Variants in DOT1L observed in about 807,000 individuals in gnomAD.
DOT1L encodes histone-lysine N-methyltransferase, H3 lysine-79 specific.
A neutral mutation model predicts 153.3 loss-of-function variants in DOT1L; 33 were observed. That is an observed-to-expected ratio of 0.22 (90% confidence interval 0.16 to 0.29). The LOEUF is 0.29. Among genes scored for constraint, DOT1L ranks in the 10% least tolerant of loss-of-function variants. DOT1L has a pLI of 1.00. For synonymous variants in DOT1L, 1,135 were observed against 965.1 expected, an observed-to-expected ratio of 1.18 and a Z score of -3.26; for missense variants, 1,847 against 2,119.9, an observed-to-expected ratio of 0.87 and a Z score of 2.53.
chr19:2,198,284 G>A (rs1294440102), intron 7 of DOT1L, among the ~76,000 whole-genome samples: 3 of 152,240 alleles, frequency 2.0e-5, no homozygotes, highest in African/African-American at 7.2e-5. Context: ...CAGGTGTGGA[G>A]AGGGAGGAGA....
intron 1 of DOT1L, among the ~76,000 whole-genome samples, chr19:2,180,466 C>A (rs946510785): frequency 2.6e-5 from 4 of 152,162 alleles, no homozygotes; most frequent in Non-Finnish European, 5.9e-5. Flanking sequence ...TCCCAGGCCG[C>A]TGCCTGCTCG....
At position 2,223,285 on chromosome 19, in the gene DOT1L, G is replaced by C. The variant is rs1207745383; in HGVS notation, c.3395G>C (p.Ser1132Thr). The change falls in exon 25 of 28, where the codon AGT (serine) becomes ACT (threonine). Residue 1132 changes from serine (S) to threonine (T), a missense_variant. Around this residue, in one of 8 missense-constraint regions of DOT1L, gnomAD observed 934 missense variants for 825.3 expected, o/e 1.13. Transcript: ENST00000398665. ...ATTGTGTCTGTCTGCCCTCAGGTCAGTAACATCAACCAGCCCCTGGAGATT... is the reference window on the plus strand; with the variant it reads ...ATTGTGTCTGTCTGCCCTCAGGTCACTAACATCAACCAGCCCCTGGAGATT... ...GSPLNLNSMV[S>T]NINQPLEITA... The C allele has an allele frequency of 5.6e-6, 9 of 1,613,390 alleles. No homozygotes were observed.
chr19:2,205,500 T>G (rs2023456987), intron 9 of DOT1L, among the ~76,000 whole-genome samples: 1 of 152,234 alleles, frequency 6.6e-6, no homozygotes, highest in African/African-American at 2.4e-5. Context: ...TTGGTCAGAC[T>G]GAGGCTGAAG....
chr19:2,220,503 G>C lies in DOT1L; in HGVS notation c.2806+281G>C, dbSNP rs958880270. 1.1e-5 allele frequency: 6 copies of C among 543,978 alleles called. No homozygotes were observed. In the African/African-American group the frequency reaches 1.1e-4, roughly 10 times the overall value. 33.7% of individuals were successfully genotyped at this position (543,978 alleles called of 1,614,324 possible). A position where few individuals can be genotyped will look rare whatever the true frequency, so the allele number is the denominator to read the frequency against. On this transcript the variant is annotated intron_variant, in intron 23 of 27. Transcript: ENST00000398665. This position sits in a 1 kb window ranked among gnomAD's most constrained non-coding sequence, Gnocchi z 4.5. ...TTCAGCCCGTGAGGTCGGCCCCAGT[G>C]CTCTCGGGGGCTCCTGTACTCACAG...
intron 9 of DOT1L, among the ~76,000 whole-genome samples, chr19:2,203,535 GT>G (rs2023377066): frequency 1.3e-5 from 2 of 152,220 alleles, no homozygotes; most frequent in African/African-American, 4.8e-5. Context: ...GCTCTCAGCT[GT>G]TTTGTTTTCT....
At chr19:2,209,022 T>A (rs781605947) in intron 12 of DOT1L, 46 bp downstream of exon 12, 2 of 1,594,374 alleles carry the variant, frequency 1.3e-6, no homozygotes, top group African/African-American at 2.7e-5. Context: ...ACGCATGCAC[T>A]GATGTGGGGA....
chr19:2,201,637 G>A lies in DOT1L; in HGVS notation c.708-1063G>A, dbSNP rs1016306778. Among the ~76,000 whole-genome samples, 3 of 152,244 alleles carry A rather than the reference G, an allele frequency of 2.0e-5. No individual in the cohort carries two copies. The South Asian group carries it at 6.2e-4, about 31-fold the overall frequency. ...TGGAGGGAATCGTGCTGACCCTGTGGTGTCCCCATCCCATGGGGTGGTGGT... is the reference window on the plus strand; with the variant it reads ...TGGAGGGAATCGTGCTGACCCTGTGATGTCCCCATCCCATGGGGTGGTGGT... On this transcript the variant is annotated intron_variant, in intron 8 of 27. Coordinates refer to ENST00000398665, the MANE Select transcript of DOT1L (RefSeq NM_032482.3).
At chr19:2,216,144 T>C in intron 19 of DOT1L, 137 bp from the exon 20 acceptor site, 2 of 1,306,944 alleles carry the variant, frequency 1.5e-6, no homozygotes, top group South Asian at 3.0e-5. Flanking sequence ...CTCTATGTGG[T>C]CGGCAGCTTT....
intron 9 of DOT1L, among the ~76,000 whole-genome samples, chr19:2,205,313 C>CA (rs1208785388): frequency 1.3e-5 from 2 of 152,122 alleles, no homozygotes; most frequent in East Asian, 3.8e-4. Context: ...TGTGTAAAAA[C>CA]AGAAGGCTCT....
In DOT1L at chr19:2,190,582, C is replaced by T. The variant is rs969521188; in HGVS notation, c.265-430C>T. ...CTGCTGCAGCTGGTGGGGAGGAAGG[C>T]GGGGTCCCACGTAGTCGAGTCAGAT... On this transcript the variant is annotated intron_variant, in intron 4 of 27. Coordinates refer to ENST00000398665, the MANE Select transcript of DOT1L (RefSeq NM_032482.3). This position sits in a 1 kb window ranked among gnomAD's most constrained non-coding sequence, Gnocchi z 4.8. 2.6e-5 allele frequency among the ~76,000 whole-genome samples: 4 copies of T among 152,102 alleles called. No individual in the cohort carries two copies. The highest frequency in any genetic ancestry group is 4.4e-5 in the Non-Finnish European group (3 of 67,982).
chr19:2,209,648 C>T (rs117022814), intron 12 of DOT1L, among the ~76,000 whole-genome samples: 2,481 of 152,376 alleles, frequency 0.016, 29 homozygotes, highest in Middle Eastern at 0.048. Flanking sequence ...TGCCCGCTGG[C>T]GCTTCTGCAG....
At chr19:2,194,412 C>A in intron 6 of DOT1L, 103 bp from the exon 7 acceptor site, 2 of 1,275,978 alleles carry the variant, frequency 1.6e-6, no homozygotes, top group Non-Finnish European at 2.3e-6. Context: ...ACCTCATGAT[C>A]CGCCCTCCTC....
In DOT1L at chr19:2,208,138, C is replaced by A. The variant is rs1230919356; in HGVS notation, c.963+458C>A. On this transcript the variant is annotated intron_variant, in intron 11 of 27. Coordinates refer to ENST00000398665, the MANE Select transcript of DOT1L (RefSeq NM_032482.3). This position sits in a 1 kb window ranked among gnomAD's most constrained non-coding sequence, Gnocchi z 4.4. ...CCCTCCCTGTGTTCCCCAGGGTCCT[C>A]TGACACAGCCCTGGGCCAGTGTGCG... Among the ~76,000 whole-genome samples the A allele has an allele frequency of 2.0e-5, 3 of 152,108 alleles. No individual in the cohort carries two copies. Among genetic ancestry groups the A allele is most frequent in the African/African-American group, 7.2e-5 (3 of 41,404 alleles).
chr19:2,224,286 G>T (rs1280591021), intron 25 of DOT1L, among the ~76,000 whole-genome samples: 1 of 152,146 alleles, frequency 6.6e-6, no homozygotes, highest in African/African-American at 2.4e-5. Flanking sequence ...CTGGGCGGAG[G>T]TGCTGGGTGG....
At position 2,164,202 on chromosome 19, in the gene DOT1L, G is replaced by T; in HGVS notation, c.18G>T (p.Glu6Asp). MGEKL[E>D]LRLKSPVGAE... The stretch of plus-strand genomic sequence containing the variant: ...GCGCGGACATGGGGGAGAAGCTGGA[G>T]CTGAGACTGAAGTCGCCCGTGGGGG... The change falls in exon 1 of 28, where the codon GAG (glutamate) becomes GAT (aspartate). Residue 6 changes from glutamate (E) to aspartate (D), a missense_variant. This residue lies in a region of DOT1L where 37 missense variants were observed against 31.0 expected (regional missense o/e 1.19). Transcript: ENST00000398665. 3.1e-6 allele frequency: 4 copies of T among 1,274,176 alleles called. No homozygotes were observed. The highest frequency in any genetic ancestry group is 3.1e-5 in the East Asian group (1 of 32,612). 78.9% of individuals were successfully genotyped at this position (1,274,176 alleles called of 1,614,324 possible). A position where few individuals can be genotyped will look rare whatever the true frequency, so the allele number is the denominator to read the frequency against.
At chr19:2,209,951 G>A (rs554529379) in intron 12 of DOT1L, among the ~76,000 whole-genome samples, 3 of 152,270 alleles carry the variant, frequency 2.0e-5, no homozygotes, top group South Asian at 2.1e-4. Context: ...CCCGTGGGTC[G>A]CGCCCTCCAC....
rs2022901308 is a variant in DOT1L at position 2,193,876 on chromosome 19, TC to T, written c.588+95del. The T allele has an allele frequency of 2.2e-6, 3 of 1,335,402 alleles. No individual in the cohort carries two copies. The highest frequency in any genetic ancestry group is 1.4e-5 in the African/African-American group (1 of 69,540). The allele number at this position is 1,335,402 out of a possible 1,614,324, so 82.7% of individuals were successfully genotyped here. The stretch of plus-strand genomic sequence containing the variant: ...GCCTGCACCCCACTGCTGTGGGACT[TC>T]CGAGTCTGGGTGGCGTTCTTTCCAG... On this transcript the variant is annotated intron_variant, in intron 6 of 27. Transcript: ENST00000398665. This position sits in a 1 kb window ranked among gnomAD's most constrained non-coding sequence, Gnocchi z 5.9.
At position 2,208,956 on chromosome 19, in the gene DOT1L, C is replaced by G. The variant is rs1177703393; in HGVS notation, c.985C>G (p.Leu329Val). ...RTILENYFSS[L>V]KNPKLREEQE... The stretch of plus-strand genomic sequence containing the variant: ...TTAGCTTGAAAACTATTTTTCTAGT[C>G]TGAAAAACCCAAAACTCAGGGTAAG... The change falls in exon 12 of 28, where the codon CTG becomes GTG. Residue 329 changes from leucine to valine, a missense_variant. Transcript: ENST00000398665. This position sits in a 1 kb window ranked among gnomAD's most constrained non-coding sequence, Gnocchi z 4.4. 6.2e-7 allele frequency: 1 copy of G among 1,613,298 alleles called. No homozygotes were observed. Among genetic ancestry groups the G allele is most frequent in the Non-Finnish European group, 8.5e-7 (1 of 1,179,752 alleles).
At chr19:2,211,962 C>T (rs2023730440) in intron 16 of DOT1L, 120 bp downstream of exon 16, 1 of 850,674 alleles carries the variant, frequency 1.2e-6, no homozygotes, top group Non-Finnish European at 1.8e-6. Flanking sequence ...GCTCCCTCCT[C>T]TGCTCACCTG....
Sources: allele counts gnomAD v4.1 joint callset (sites outside exome capture counted in the v4.1 genomes callset), GRCh38; gene constraint gnomAD v4.1.1; regional missense constraint gnomAD v4.1.1; non-coding constraint Gnocchi (gnomAD v3.1); transcripts MANE v1.5; gene names NCBI Gene and HGNC (gene_info 2026-07-23, HGNC 2026-07-21).